The following USP7 variants were observed in gnomAD, a reference collection of about 807,000 sequenced individuals.
USP7 encodes ubiquitin C-terminal hydrolase 7.
USP7 carries 9 observed loss-of-function variants against 162.9 expected under a neutral mutation model. The ratio of observed to expected loss-of-function variants is 0.06; its 90% CI spans 0.03 to 0.10. USP7 has a LOEUF of 0.10. Ranked by LOEUF, USP7 falls within the 10% of genes least tolerant of loss-of-function variation. The pLI, the probability that USP7 is intolerant of heterozygous loss-of-function variation, is 1.00. For missense variants in USP7, 715 were observed against 1,373.7 expected, an observed-to-expected ratio of 0.52 and a Z score of 7.58; for synonymous variants, 562 against 475.9, an observed-to-expected ratio of 1.18 and a Z score of -2.35.
rs773298982 is a variant in USP7 at position 8,920,456 on chromosome 16, C to T, written c.523-9G>A. The T allele has an allele frequency of 1.9e-6, 3 of 1,605,098 alleles. No individual in the cohort carries two copies. Among genetic ancestry groups the T allele is most frequent in the South Asian group, 2.2e-5 (2 of 89,524 alleles). On this transcript the variant is annotated splice_polypyrimidine_tract_variant and intron_variant, in intron 4 of 30. Transcript: ENST00000344836. ...TCAGGATCGGTCACTTCCTATAAAA[C>T]ATAAATAAGAATATCCAGCTTGAAT...
intron 1 of USP7, among the ~76,000 whole-genome samples, chr16:8,931,202 T>C (rs1898312064): frequency 6.6e-6 from 1 of 152,030 alleles, no homozygotes; most frequent in African/African-American, 2.4e-5. Flanking sequence ...TTTTTTTTTT[T>C]TTCTGAGACA....
chr16:8,913,739 C>G (rs977895674), intron 10 of USP7, among the ~76,000 whole-genome samples: 1 of 152,020 alleles, frequency 6.6e-6, no homozygotes, highest in Non-Finnish European at 1.5e-5. Context: ...ACTTCCCCTC[C>G]TCACTCTTTT....
chr16:8,937,994 C>T (rs1035821332), intron 1 of USP7, among the ~76,000 whole-genome samples: 2 of 152,068 alleles, frequency 1.3e-5, no homozygotes, highest in African/African-American at 4.8e-5. Flanking sequence ...CTATTATGTG[C>T]CAGGCCTTGT....
intron 25 of USP7, among the ~76,000 whole-genome samples, chr16:8,898,000 G>A (rs1224927161): frequency 6.6e-6 from 1 of 151,998 alleles, no homozygotes; most frequent in Non-Finnish European, 1.5e-5. Context: ...TAAGCGCAGA[G>A]TCATGGACTG....
chr16:8,932,939 A>G lies in USP7; in HGVS notation c.80-2542T>C, dbSNP rs191514541. Among the ~76,000 whole-genome samples the G allele has an allele frequency of 1.8e-4, 27 of 152,198 alleles. No homozygotes were observed. In the East Asian group the frequency reaches 5.0e-3, roughly 28 times the overall value. ...AGGCCTATTAAATAAATTATGGCAC[A>G]TTCCAATGGAATTTTTTTTTTTTAT... On this transcript the variant is annotated intron_variant, in intron 1 of 30. Transcript: ENST00000344836.
intron 13 of USP7, 119 bp from the exon 14 acceptor site, chr16:8,905,450 A>G: frequency 7.8e-7 from 1 of 1,274,832 alleles, no homozygotes; most frequent in Non-Finnish European, 1.1e-6. Context: ...TTGAAAAAAT[A>G]TCCATGTGTG....
chr16:8,963,152 C>T (rs1379501638), intron 1 of USP7, 55 bp downstream of exon 1: 2 of 1,354,276 alleles, frequency 1.5e-6, no homozygotes, highest in Non-Finnish European at 9.6e-7. Context: ...GCGGCTCCCC[C>T]GGCCACAATG....
intron 10 of USP7, 144 bp from the exon 11 acceptor site, chr16:8,910,971 G>C (rs969059733): frequency 1.5e-6 from 1 of 688,944 alleles, no homozygotes; most frequent in Non-Finnish European, 2.5e-6. Context: ...CTGTAGCCAA[G>C]ACTGTAGGTA....
intron 2 of USP7, among the ~76,000 whole-genome samples, chr16:8,927,835 C>CAAAAT (rs1177437338): frequency 1.3e-5 from 2 of 152,116 alleles, no homozygotes; most frequent in Admixed American, 6.5e-5. Context: ...GAACCTATCT[C>CAAAAT]AAAATAAAAT....
At chr16:8,922,113 C>T in intron 3 of USP7, among the ~76,000 whole-genome samples, 1 of 152,214 alleles carries the variant, frequency 6.6e-6, no homozygotes, top group East Asian at 1.9e-4. Flanking sequence ...CATCAGATCA[C>T]ATCATAATGT....
chr16:8,941,595 G>C (rs1360906640), intron 1 of USP7, among the ~76,000 whole-genome samples: 1 of 152,232 alleles, frequency 6.6e-6, no homozygotes, highest in Non-Finnish European at 1.5e-5. Context: ...GTGTAAATAA[G>C]TTAGTCTGCC....
rs561006438 is a variant in USP7 at position 8,948,857 on chromosome 16, G to C, written c.79+14350C>G. On this transcript the variant is annotated intron_variant, in intron 1 of 30. Transcript: ENST00000344836. ...CGTGTGCCTGCAGTTCCAGCTACTC[G>C]GGAGGCTGATGGGAGAGGATGGCTT... Among the ~76,000 whole-genome samples, 8 of 152,248 alleles carry C rather than the reference G, an allele frequency of 5.3e-5. No individual in the cohort carries two copies. In the South Asian group the frequency reaches 1.7e-3, roughly 32 times the overall value.
At chr16:8,955,321 T>C (rs1021699765) in intron 1 of USP7, among the ~76,000 whole-genome samples, 1 of 152,224 alleles carries the variant, frequency 6.6e-6, no homozygotes, top group African/African-American at 2.4e-5. Flanking sequence ...CTTGGCTCAC[T>C]GTGGCCTCGA....
intron 22 of USP7, 193 bp from the exon 23 acceptor site, chr16:8,899,381 G>A: frequency 1.3e-6 from 1 of 760,230 alleles, no homozygotes; most frequent in Non-Finnish European, 2.1e-6. Flanking sequence ...AGATAACTTT[G>A]GAAAGGGTTT....
intron 1 of USP7, among the ~76,000 whole-genome samples, chr16:8,961,009 A>G (rs1899984481): frequency 6.6e-6 from 1 of 152,246 alleles, no homozygotes; most frequent in Non-Finnish European, 1.5e-5. Flanking sequence ...AATCAGCATT[A>G]GTAACTAAAA....
chr16:8,922,472 G>A (rs541492700), intron 3 of USP7, among the ~76,000 whole-genome samples: 1 of 152,210 alleles, frequency 6.6e-6, no homozygotes, highest in South Asian at 2.1e-4. Flanking sequence ...TGGCGACAGA[G>A]TGAGACTCTG....
intron 1 of USP7, among the ~76,000 whole-genome samples, chr16:8,960,208 T>G (rs1489833652): frequency 6.6e-6 from 1 of 152,204 alleles, no homozygotes; most frequent in Non-Finnish European, 1.5e-5. Context: ...CACAGCTCTA[T>G]CTGCCTTCCA....
chr16:8,921,975 AGTGCT>A, intron 3 of USP7, among the ~76,000 whole-genome samples: 1 of 152,352 alleles, frequency 6.6e-6, no homozygotes, highest in South Asian at 2.1e-4. Context: ...AGGGTAGGAC[AGTGCT>A]GTTCCCACAG....
At chr16:8,902,912 A>C (rs2141175054) in intron 16 of USP7, among the ~76,000 whole-genome samples, 1 of 152,284 alleles carries the variant, frequency 6.6e-6, no homozygotes, top group South Asian at 2.1e-4. Context: ...TTCTAAGAAA[A>C]AGAATTCTAA....
Sources: gnomAD v4.1 joint callset for allele counts (sites outside exome capture counted in the v4.1 genomes callset) on GRCh38, gnomAD v4.1.1 for gene constraint, MANE v1.5 for transcripts, NCBI Gene and HGNC (gene_info 2026-07-23, HGNC 2026-07-21) for gene names.